Variants in EML6 observed in about 807,000 individuals in gnomAD.
EML6 encodes echinoderm microtubule-associated protein-like 6.
A neutral mutation model predicts 240.1 loss-of-function variants in EML6; 154 were observed. The observed-to-expected ratio is 0.64, with a 90% CI of 0.56 to 0.73. The LOEUF is 0.73. EML6 is among the 30% of genes least tolerant of loss of function. EML6 has a pLI of 0.00. For synonymous variants in EML6, 1,148 were observed against 899.0 expected (o/e 1.28, Z -4.95); for missense variants, 2,964 against 2,474.6 (o/e 1.20, Z -4.20).
chr2:54,910,565 A>G (rs1447139986), intron 24 of EML6, among the ~76,000 whole-genome samples: 3 of 152,248 alleles, frequency 2.0e-5, no homozygotes, highest in Non-Finnish European at 2.9e-5. Flanking sequence ...TCTAATTGCC[A>G]TAATCTTCCA....
chr2:54,966,899 G>T, intron 38 of EML6, 101 bp from the exon 39 acceptor site: 2 of 719,944 alleles, frequency 2.8e-6, no homozygotes, highest in South Asian at 3.6e-5. Context: ...AAAAGCCCTA[G>T]GGATGCAGAG....
intron 2 of EML6, among the ~76,000 whole-genome samples, chr2:54,797,443 A>G (rs1360612998): frequency 6.6e-6 from 1 of 152,132 alleles, no homozygotes; most frequent in Admixed American, 6.5e-5. Flanking sequence ...CCTTAAACAA[A>G]TTAAGTCATG....
intron 7 of EML6, among the ~76,000 whole-genome samples, chr2:54,831,221 T>C (rs946547774): frequency 6.6e-6 from 1 of 152,166 alleles, no homozygotes; most frequent in East Asian, 1.9e-4. Context: ...TGCCTAAACG[T>C]TGGGGAGTAC....
intron 2 of EML6, among the ~76,000 whole-genome samples, chr2:54,739,486 C>A (rs1200579166): frequency 6.6e-6 from 1 of 152,032 alleles, no homozygotes; most frequent in South Asian, 2.1e-4. Context: ...GGTACATGGA[C>A]CCCCAGGTTA....
chr2:54,851,641 T>C (rs1433407567), intron 10 of EML6, among the ~76,000 whole-genome samples: 1 of 152,248 alleles, frequency 6.6e-6, no homozygotes, highest in Non-Finnish European at 1.5e-5. Context: ...CTTTCAGGTA[T>C]TTGGATGTTC....
intron 14 of EML6, 39 bp downstream of exon 14, chr2:54,866,923 G>A (rs1671000880): frequency 8.0e-7 from 1 of 1,252,440 alleles, no homozygotes; most frequent in Non-Finnish European, 1.1e-6. Context: ...GTGTTCCTCT[G>A]TCTCTGCCTG....
intron 24 of EML6, among the ~76,000 whole-genome samples, chr2:54,905,952 C>A (rs891358365): frequency 6.6e-6 from 1 of 152,188 alleles, no homozygotes; most frequent in African/African-American, 2.4e-5. Flanking sequence ...GTGGCTGCCA[C>A]ATTTCAGCCA....
intron 38 of EML6, 100 bp downstream of exon 38, chr2:54,964,833 G>T: frequency 9.1e-7 from 1 of 1,097,252 alleles, no homozygotes; most frequent in Admixed American, 2.6e-5. Flanking sequence ...CAGGCAATGT[G>T]CTAACTCACT....
At chr2:54,739,178 G>A (rs1230195283) in intron 2 of EML6, among the ~76,000 whole-genome samples, 1 of 152,132 alleles carries the variant, frequency 6.6e-6, no homozygotes, top group East Asian at 1.9e-4. Flanking sequence ...TAATATGTAG[G>A]TATATGTTAT....
chr2:54,852,940 T>C (rs986295984), intron 10 of EML6, among the ~76,000 whole-genome samples: 2 of 152,244 alleles, frequency 1.3e-5, no homozygotes, highest in Non-Finnish European at 2.9e-5. Flanking sequence ...AACTGGGTAG[T>C]GGGCCATCCC....
chr2:54,916,791 T>C lies in EML6; in HGVS notation c.3531T>C (p.Cys1177=). 5 of 1,538,446 alleles carry C rather than the reference T, an allele frequency of 3.3e-6. No individual in the cohort carries two copies. The highest frequency in any genetic ancestry group is 4.4e-6 in the Non-Finnish European group (5 of 1,136,862). ...IEKIEWDTWT[C]VLGPTCEGIW... ...AGATAGAGTGGGACACATGGACCTG[T>C]GTCCTGGGGCCCACCTGTGAGGGAA... The change falls in exon 26 of 42, where the codon TGT becomes TGC. Residue 1177 remains cysteine, a synonymous_variant. Transcript: ENST00000356458.
In EML6 at chr2:54,816,866, C is replaced by CCT. The variant is rs1335949349; in HGVS notation, c.438_439insTC (p.Thr147SerfsTer26). ...AGGAAGGGAAAACTTCTGGCGTCAG[C>CCT]CACCGGCCATTCTGACAGGGTAAGA... On this transcript the variant is annotated frameshift_variant, in exon 4 of 42. Coordinates refer to ENST00000356458, the MANE Select transcript of EML6 (RefSeq NM_001039753.4). LOFTEE classifies it high-confidence loss of function. 4 of 1,551,184 alleles carry CCT rather than the reference C, an allele frequency of 2.6e-6. No homozygotes were observed. Among genetic ancestry groups the CCT allele is most frequent in the Non-Finnish European group, 3.5e-6 (4 of 1,146,542 alleles).
At chr2:54,788,186 A>C (rs1050259375) in intron 2 of EML6, among the ~76,000 whole-genome samples, 1 of 152,246 alleles carries the variant, frequency 6.6e-6, no homozygotes, top group East Asian at 1.9e-4. Flanking sequence ...CTCGCTCGCT[A>C]GCTGCCCACT....
chr2:54,779,865 G>GAAAAAAAAAAAAA (rs3036161), intron 2 of EML6, among the ~76,000 whole-genome samples: 2 of 113,154 alleles, frequency 1.8e-5, no homozygotes, highest in Non-Finnish European at 1.9e-5. Context: ...CAAAAAAAAA[G>GAAAAAAAAAAAAA]AAAAAAAAAA....
intron 41 of EML6, among the ~76,000 whole-genome samples, chr2:54,969,130 C>G (rs1676879635): frequency 1.3e-5 from 2 of 152,256 alleles, no homozygotes; most frequent in South Asian, 4.1e-4. Flanking sequence ...GGTTAGAATG[C>G]AAATTCATCT....
intron 14 of EML6, chr2:54,868,244 A>G (rs1488899465): frequency 6.6e-6 from 1 of 152,164 alleles, no homozygotes; most frequent in Non-Finnish European, 1.5e-5. Context: ...GTGTTGCTCC[A>G]TTAACAGTTT....
chr2:54,731,397 T>C (rs1357068228), intron 2 of EML6, among the ~76,000 whole-genome samples: 3 of 152,154 alleles, frequency 2.0e-5, no homozygotes, highest in Non-Finnish European at 4.4e-5. Flanking sequence ...CCCAGCACTT[T>C]GGGAGGCTGA....
chr2:54,760,488 A>T (rs996797608), intron 2 of EML6, among the ~76,000 whole-genome samples: 6 of 151,958 alleles, frequency 3.9e-5, no homozygotes, highest in African/African-American at 1.2e-4. Flanking sequence ...CTCTAGGGAG[A>T]TATCTAGAGG....
intron 2 of EML6, among the ~76,000 whole-genome samples, chr2:54,769,116 A>C (rs978114268): frequency 6.6e-6 from 1 of 152,230 alleles, no homozygotes; most frequent in Non-Finnish European, 1.5e-5. Context: ...AGATACCCGA[A>C]TCTGACAGGA....
Sources: allele counts gnomAD v4.1 joint callset (sites outside exome capture counted in the v4.1 genomes callset), GRCh38; gene constraint gnomAD v4.1.1; transcripts MANE v1.5; gene names NCBI Gene and HGNC (gene_info 2026-07-23, HGNC 2026-07-21).